The following MSI2 variants were observed in gnomAD, a reference collection of about 807,000 sequenced individuals.
MSI2 encodes the protein musashi RNA binding protein 2.
MSI2 carries 17 observed loss-of-function variants against 45.6 expected under a neutral mutation model. The observed-to-expected ratio is 0.37, with a 90% CI of 0.26 to 0.56. MSI2 has a LOEUF of 0.56. Ranked by LOEUF, MSI2 falls within the 20% of genes least tolerant of loss-of-function variation. MSI2 has a pLI of 0.77. For missense variants in MSI2, 293 were observed against 444.2 expected, an observed-to-expected ratio of 0.66 and a Z score of 3.06; for synonymous variants, 156 against 158.2, an observed-to-expected ratio of 0.99 and a Z score of 0.11.
intron 12 of MSI2, among the ~76,000 whole-genome samples, chr17:57,676,565 G>A (rs1913249193): frequency 6.6e-6 from 1 of 152,256 alleles, no homozygotes; most frequent in South Asian, 2.1e-4. Flanking sequence ...CCTGTGGGCT[G>A]TGATGTTTTT....
intron 5 of MSI2, among the ~76,000 whole-genome samples, chr17:57,281,030 G>T (rs1262961246): frequency 6.6e-6 from 1 of 152,158 alleles, no homozygotes; most frequent in Non-Finnish European, 1.5e-5. Flanking sequence ...TTGCAGTCTT[G>T]TCGTGTGTGG....
intron 6 of MSI2, among the ~76,000 whole-genome samples, chr17:57,438,974 GC>G (rs898051671): frequency 3.9e-5 from 6 of 152,052 alleles, no homozygotes; most frequent in African/African-American, 1.5e-4. Flanking sequence ...TATTTGTTTT[GC>G]ATTTTTAGTA....
intron 5 of MSI2, among the ~76,000 whole-genome samples, chr17:57,310,740 T>C (rs1437414186): frequency 2.0e-5 from 3 of 152,176 alleles, no homozygotes; most frequent in Non-Finnish European, 4.4e-5. Context: ...GCCACGGGGA[T>C]ATTAATGAGT....
chr17:57,618,259 C>G (rs1388773501), intron 9 of MSI2: 1 of 151,854 alleles, frequency 6.6e-6, no homozygotes, highest in Non-Finnish European at 1.5e-5. Flanking sequence ...GGAGGAACAT[C>G]AGGTTGCCTA....
At chr17:57,468,854 G>T (rs1265359595) in intron 6 of MSI2, among the ~76,000 whole-genome samples, 1 of 152,090 alleles carries the variant, frequency 6.6e-6, no homozygotes, top group African/African-American at 2.4e-5. Context: ...GGGCCCGAGA[G>T]GAGTCATTAG....
At chr17:57,506,286 C>T (rs1399105082) in intron 6 of MSI2, among the ~76,000 whole-genome samples, 1 of 152,224 alleles carries the variant, frequency 6.6e-6, no homozygotes, top group Non-Finnish European at 1.5e-5. Context: ...CTCCACTTGT[C>T]TCCCTCGTGA....
intron 6 of MSI2, among the ~76,000 whole-genome samples, chr17:57,491,268 G>A (rs1022681314): frequency 2.6e-5 from 4 of 152,212 alleles, no homozygotes; most frequent in East Asian, 1.9e-4. Flanking sequence ...CACAAAGCCC[G>A]GCAGAGGCAT....
intron 7 of MSI2, among the ~76,000 whole-genome samples, chr17:57,544,275 G>A (rs939494307): frequency 6.6e-6 from 1 of 152,198 alleles, no homozygotes; most frequent in Non-Finnish European, 1.5e-5. Context: ...CTTTATTTTA[G>A]GTTTATGGCC....
chr17:57,372,613 T>G (rs2083436718), intron 5 of MSI2, among the ~76,000 whole-genome samples: 1 of 152,242 alleles, frequency 6.6e-6, no homozygotes, highest in Non-Finnish European at 1.5e-5. Context: ...TATTTTCTGT[T>G]TCTTTTATTA....
intron 6 of MSI2, among the ~76,000 whole-genome samples, chr17:57,444,162 T>C (rs1021605057): frequency 6.6e-6 from 1 of 152,204 alleles, no homozygotes; most frequent in Non-Finnish European, 1.5e-5. Flanking sequence ...TGAGTGACCC[T>C]GCAGAATTCC....
At chr17:57,679,277 A>G (rs778301684) in intron 13 of MSI2, among the ~76,000 whole-genome samples, 20 of 152,216 alleles carry the variant, frequency 1.3e-4, no homozygotes, top group Non-Finnish European at 1.9e-4. Flanking sequence ...CAACAACCCT[A>G]TGGTACTATA....
At chr17:57,336,979 G>A (rs905165843) in intron 5 of MSI2, among the ~76,000 whole-genome samples, 8 of 152,080 alleles carry the variant, frequency 5.3e-5, no homozygotes, top group Non-Finnish European at 7.3e-5. Context: ...CAGGAGCTTC[G>A]CCTTCCGGGA....
At chr17:57,537,135 A>G (rs745549677) in intron 7 of MSI2, among the ~76,000 whole-genome samples, 1 of 152,214 alleles carries the variant, frequency 6.6e-6, no homozygotes, top group Non-Finnish European at 1.5e-5. Flanking sequence ...GAGTTAGAAC[A>G]AGGAAGAATC....
chr17:57,281,628 C>A (rs1909425052), intron 5 of MSI2, among the ~76,000 whole-genome samples: 1 of 152,150 alleles, frequency 6.6e-6, no homozygotes. Flanking sequence ...TTTAAAAAGC[C>A]TTGTTTCCCA....
intron 6 of MSI2, among the ~76,000 whole-genome samples, chr17:57,461,357 T>C (rs1364786795): frequency 6.6e-6 from 1 of 152,082 alleles, no homozygotes; most frequent in African/African-American, 2.4e-5. Flanking sequence ...TTAAATTTAA[T>C]AAGTACAGAA....
chr17:57,450,321 A>AAGAAAGAAAG (rs1567831003), intron 6 of MSI2: 1 of 146,984 alleles, frequency 6.8e-6, no homozygotes, highest in African/African-American at 2.5e-5. Flanking sequence ...GAAAGAAAGA[A>AAGAAAGAAAG]AACCTTTGTT....
intron 6 of MSI2, among the ~76,000 whole-genome samples, chr17:57,471,307 T>C (rs2085432939): frequency 8.0e-6 from 1 of 125,368 alleles, no homozygotes. Context: ...TTTTTTTTTT[T>C]TCAGATGGAG....
In MSI2 at chr17:57,679,811, C is replaced by T. The variant is rs1401434338; in HGVS notation, c.*294C>T. The stretch of plus-strand genomic sequence containing the variant: ...TGATGGTTTCCCTCTCCCTCCCTCT[C>T]TTCCCATTCTCCTTTTAAATCTCTT... On this transcript the variant is annotated 3_prime_UTR_variant, in exon 14 of 14. Transcript: ENST00000284073. 6 of 235,048 alleles carry T rather than the reference C, an allele frequency of 2.6e-5. No individual in the cohort carries two copies. The highest frequency in any genetic ancestry group is 1.1e-4 in the African/African-American group (5 of 45,342). The allele number at this position is 235,048 out of a possible 1,614,324, so 14.6% of individuals were successfully genotyped here.
intron 7 of MSI2, among the ~76,000 whole-genome samples, chr17:57,535,436 G>A (rs2086901268): frequency 6.6e-6 from 1 of 152,218 alleles, no homozygotes; most frequent in Admixed American, 6.5e-5. Flanking sequence ...ACATCCCTGT[G>A]GCCTTCATTA....
Sources: allele counts gnomAD v4.1 joint callset (sites outside exome capture counted in the v4.1 genomes callset), GRCh38; gene constraint gnomAD v4.1.1; transcripts MANE v1.5; gene names NCBI Gene and HGNC (gene_info 2026-07-23, HGNC 2026-07-21).